IGSF9: variants seen among roughly 807,000 people sequenced by gnomAD.
IGSF9 encodes immunoglobulin superfamily member 9.
A neutral mutation model predicts 121.7 loss-of-function variants in IGSF9; 87 were observed. That is an observed-to-expected ratio of 0.71 (90% CI 0.60 to 0.85). The LOEUF is 0.85. Ranked by LOEUF, IGSF9 falls within the 40% of genes least tolerant of loss-of-function variation. The probability of loss-of-function intolerance (pLI) is 0.00; values close to 1 mark genes in which losing one functional copy is unlikely to be tolerated. For synonymous variants in IGSF9, 640 were observed against 648.4 expected, an observed-to-expected ratio of 0.99 and a Z score of 0.20; for missense variants, 1,462 against 1,565.3, an observed-to-expected ratio of 0.93 and a Z score of 1.11.
In IGSF9 at chr1:159,929,679, C is replaced by G. The variant is rs35590482; in HGVS notation, c.2285G>C (p.Arg762Pro). 539 of 1,596,550 alleles carry G rather than the reference C, an allele frequency of 3.4e-4. 4 individuals carry two copies. Among genetic ancestry groups the G allele is most frequent in the South Asian group, 1.0e-4 (9 of 88,338 alleles). ...VSILAGCLLN[R>P]RRAARRRRKR... ...GCGGCGGCGGCGGGCAGCCCTGCGCCGGTTCAGGAGGCAGCCGGCCAGGAT... is the reference window on the plus strand; with the variant it reads ...GCGGCGGCGGCGGGCAGCCCTGCGCGGGTTCAGGAGGCAGCCGGCCAGGAT... Residue 762 changes from arginine (R) to proline (P), a missense_variant, in exon 17 of 21, where the codon CGG (arginine) becomes CCG (proline). Coordinates refer to ENST00000368094, the MANE Select transcript of IGSF9 (RefSeq NM_001135050.2).
chr1:159,932,406 C>T lies in IGSF9; in HGVS notation c.1245+106G>A. ...CCATGGGAAACAAACTTGGAAACCC[C>T]TCCCCATGTGTCTGCCCCACCCCAC... On this transcript the variant is annotated intron_variant, in intron 10 of 20. Transcript: ENST00000368094. This position sits in a 1 kb window ranked among gnomAD's most constrained non-coding sequence, Gnocchi z 4.1. The T allele has an allele frequency of 8.4e-7, 1 of 1,193,632 alleles. No homozygotes were observed. The highest frequency in any genetic ancestry group is 1.2e-6 in the Non-Finnish European group (1 of 841,184). The allele number at this position is 1,193,632 out of a possible 1,614,324, so 73.9% of individuals were successfully genotyped here. A position where few individuals can be genotyped will look rare whatever the true frequency, so the allele number is the denominator to read the frequency against.
rs764000599 is a variant in IGSF9, at chr1:159,928,903, G to A, written c.2485C>T (p.Pro829Ser). ...LWGDPAGTPSPHPDPPSSRGP... is the reference protein window; with the variant it reads ...LWGDPAGTPSSHPDPPSSRGP... ...CGGCTAGATGGAGGATCCGGGTGGG[G>A]GCTGGGAGTTCCGGCAGGATCCCCC... Residue 829 changes from proline to serine, a missense_variant, in exon 19 of 21, where the codon CCC becomes TCC. Physicochemically the swap from Pro to Ser is moderately conservative, Grantham distance 74. Transcript: ENST00000368094. 5 of 1,593,366 alleles carry A rather than the reference G, an allele frequency of 3.1e-6. No individual in the cohort carries two copies. Among genetic ancestry groups the A allele is most frequent in the Middle Eastern group, 1.7e-4 (1 of 5,934 alleles).
chr1:159,934,660 T>C, intron 7 of IGSF9, 21 bp downstream of exon 7: 1 of 1,614,160 alleles, frequency 6.2e-7, no homozygotes, highest in Non-Finnish European at 8.5e-7. Context: ...ACCTCCACCT[T>C]CCTAATGAGG....
At chr1:159,942,314 A>C (rs112048642) in intron 3 of IGSF9, among the ~76,000 whole-genome samples, 83 of 152,312 alleles carry the variant, frequency 5.4e-4, no homozygotes, top group African/African-American at 1.6e-3. Flanking sequence ...TGCCACCTAA[A>C]GCAGCAACCC....
In IGSF9 at chr1:159,932,504, G is replaced by C; in HGVS notation, c.1245+8C>G. Reference sequence around the variant, plus strand: ...TCACCACAGGCCCCCGCCCACCCCCGGCCTAACCTTGAGCAGCACGCGGGT... The same window carrying C: ...TCACCACAGGCCCCCGCCCACCCCCCGCCTAACCTTGAGCAGCACGCGGGT... On this transcript the variant is annotated splice_region_variant and intron_variant, in intron 10 of 20. Coordinates refer to ENST00000368094, the MANE Select transcript of IGSF9 (RefSeq NM_001135050.2). The surrounding 1 kb of genome is among the most constrained non-coding windows in gnomAD (Gnocchi z 4.1). 3.6e-6 allele frequency: 5 copies of C among 1,378,804 alleles called. No individual in the cohort carries two copies. Among genetic ancestry groups the C allele is most frequent in the Non-Finnish European group, 4.8e-6 (5 of 1,035,752 alleles). 85.4% of individuals were successfully genotyped at this position (1,378,804 alleles called of 1,614,324 possible).
At chr1:159,930,133 G>T in intron 15 of IGSF9, 56 bp downstream of exon 15, 2 of 1,558,160 alleles carry the variant, frequency 1.3e-6, no homozygotes. Context: ...GGGGAATGGA[G>T]AAGGACGCAG....
intron 18 of IGSF9, 61 bp downstream of exon 18, chr1:159,929,290 A>G: frequency 1.9e-6 from 3 of 1,568,088 alleles, no homozygotes; most frequent in Non-Finnish European, 2.6e-6. Flanking sequence ...AAAAGGAAGC[A>G]GAAGATACTG....
Position 159,931,278 on chromosome 1 carries a change from G to T in IGSF9, c.1514-17C>A. 1 of 1,614,040 alleles carries T rather than the reference G, an allele frequency of 6.2e-7. No homozygotes were observed. The highest frequency in any genetic ancestry group is 1.1e-5 in the South Asian group (1 of 91,068). Reference sequence around the variant, plus strand: ...GGCTAGTGCCTAGGCAGGGGGGAATGGAGGGATGGTGGTCAGGGCCTGAGG... The same window carrying T: ...GGCTAGTGCCTAGGCAGGGGGGAATTGAGGGATGGTGGTCAGGGCCTGAGG... On this transcript the variant is annotated splice_polypyrimidine_tract_variant and intron_variant, in intron 12 of 20. Transcript: ENST00000368094. The surrounding 1 kb of genome is among the most constrained non-coding windows in gnomAD (Gnocchi z 4.8).
chr1:159,928,336 G>C lies in IGSF9; in HGVS notation c.3052C>G (p.Arg1018Gly), dbSNP rs768149920. The C allele has an allele frequency of 4.3e-6, 7 of 1,609,658 alleles. No homozygotes were observed. The highest frequency in any genetic ancestry group is 5.9e-6 in the Non-Finnish European group (7 of 1,178,130). The stretch of plus-strand genomic sequence containing the variant: ...CTGCTCTGGCTGGTGAGGCTGCCTC[G>C]AGGGGCAGCAGGGAGAAGGCCTGGC... ...LLPGLLPAAP[R>G]GSLTSQSSGR... The change falls in exon 19 of 21, where the codon CGA becomes GGA. Residue 1018 changes from arginine (R) to glycine (G), a missense_variant. By Grantham distance (125) the Arg-to-Gly change is moderately radical (BLOSUM62 -2). Transcript: ENST00000368094.
Position 159,931,236 on chromosome 1 carries a change from A to G in IGSF9, c.1539T>C (p.Asn513=). 1 of 1,614,080 alleles carries G rather than the reference A, an allele frequency of 6.2e-7. No homozygotes were observed. Among genetic ancestry groups the G allele is most frequent in the Non-Finnish European group, 8.5e-7 (1 of 1,179,982 alleles). The change falls in exon 13 of 21, where the codon AAT becomes AAC. Residue 513 remains asparagine (N), a synonymous_variant. Transcript: ENST00000368094. This position sits in a 1 kb window ranked among gnomAD's most constrained non-coding sequence, Gnocchi z 4.8. ...VLGTSPHVVT[N]VSVVALPKGA... ...CCTTGGGCAAAGCCACCACGGACAC[A>G]TTGGTGACAACATGAGGGCTAGTGC...
intron 14 of IGSF9, 115 bp downstream of exon 14, chr1:159,930,576 AC>A: frequency 6.5e-7 from 1 of 1,542,136 alleles, no homozygotes; most frequent in Middle Eastern, 1.9e-4. Context: ...ACCCCTCTGG[AC>A]CCCAAGCTGG....
chr1:159,935,173 C>T (rs1163225760), intron 6 of IGSF9, among the ~76,000 whole-genome samples: 2 of 152,128 alleles, frequency 1.3e-5, no homozygotes, highest in Non-Finnish European at 2.9e-5. Flanking sequence ...GTCTCTGGCC[C>T]TAACCCAGGT....
rs994679312 is a variant in IGSF9 at position 159,941,077 on chromosome 1, C to T, written c.247+1886G>A. 3.3e-5 allele frequency among the ~76,000 whole-genome samples: 5 copies of T among 151,662 alleles called. No individual in the cohort carries two copies. The East Asian group carries it at 7.7e-4, about 23-fold the overall frequency. On this transcript the variant is annotated intron_variant, in intron 3 of 20. Coordinates refer to ENST00000368094, the MANE Select transcript of IGSF9 (RefSeq NM_001135050.2). Reference sequence around the variant, plus strand: ...GTTTTATATTGCTTTCACTCCATGGCATCGTTGATAAATCCAGTCTCCTCT... The same window carrying T: ...GTTTTATATTGCTTTCACTCCATGGTATCGTTGATAAATCCAGTCTCCTCT...
intron 3 of IGSF9, among the ~76,000 whole-genome samples, chr1:159,941,167 A>G (rs1406194312): frequency 6.6e-6 from 1 of 152,166 alleles, no homozygotes; most frequent in East Asian, 1.9e-4. Context: ...CTAATCCAAC[A>G]GTCTCTCTCA....
chr1:159,927,713 T>TG (rs780290909), intron 20 of IGSF9, 47 bp downstream of exon 20: 2 of 1,598,566 alleles, frequency 1.3e-6, no homozygotes, highest in Non-Finnish European at 1.7e-6. Flanking sequence ...CGGGGGGATG[T>TG]GGGACAGTAT....
intron 5 of IGSF9, 28 bp from the exon 6 acceptor site, chr1:159,936,544 C>T: frequency 1.2e-6 from 2 of 1,603,696 alleles, no homozygotes; most frequent in Non-Finnish European, 1.7e-6. Flanking sequence ...GAGGAAGAGT[C>T]CTTTCCCCTG....
chr1:159,940,399 G>T (rs1257844729), intron 3 of IGSF9, among the ~76,000 whole-genome samples: 2 of 152,200 alleles, frequency 1.3e-5, no homozygotes. Flanking sequence ...TCGCCAGCAG[G>T]GCAGCCCTGA....
At chr1:159,935,323 G>T (rs1651145838) in intron 6 of IGSF9, among the ~76,000 whole-genome samples, 1 of 152,116 alleles carries the variant, frequency 6.6e-6, no homozygotes, top group African/African-American at 2.4e-5. Context: ...ACAGCACCTG[G>T]CTCCTACTAC....
At chr1:159,934,372 G>A in intron 8 of IGSF9, 40 bp from the exon 9 acceptor site, 2 of 1,568,924 alleles carry the variant, frequency 1.3e-6, no homozygotes, top group Non-Finnish European at 1.7e-6. Flanking sequence ...GAGGGGCTTG[G>A]CCTGGCCCAG....
Sources: allele counts gnomAD v4.1 joint callset (sites outside exome capture counted in the v4.1 genomes callset), GRCh38; gene constraint gnomAD v4.1.1; non-coding constraint Gnocchi (gnomAD v3.1); transcripts MANE v1.5; gene names NCBI Gene and HGNC (gene_info 2026-07-23, HGNC 2026-07-21).